The following UTP11 variants were observed in gnomAD, a reference collection of about 807,000 sequenced individuals.
UTP11 encodes the protein UTP11 small subunit processome component.
Under a neutral mutation model 39.0 loss-of-function variants are expected in UTP11, and 29 were observed. The ratio of observed to expected loss-of-function variants is 0.74; its 90% CI spans 0.55 to 1.01. The LOEUF (loss-of-function observed/expected upper bound fraction) is 1.01. Among genes scored for constraint, UTP11 ranks in the 50% least tolerant of loss-of-function variants. The pLI is 0.00. For synonymous variants in UTP11, 111 were observed against 105.0 expected (o/e 1.06, Z -0.35); for missense variants, 281 against 306.0 (o/e 0.92, Z 0.61).
At chr1:38,018,625 C>A in intron 4 of UTP11, 48 bp downstream of exon 4, 1 of 1,371,086 alleles carries the variant, frequency 7.3e-7, no homozygotes, top group Admixed American at 2.1e-5. Flanking sequence ...AGAAGGGAAA[C>A]TTAAATTCAT....
At chr1:38,012,930 T>C in intron 1 of UTP11, 65 bp downstream of exon 1, 1 of 1,599,528 alleles carries the variant, frequency 6.3e-7, no homozygotes, top group Middle Eastern at 1.7e-4. Flanking sequence ...GCCCCAACCC[T>C]GTCGCCACCG....
chr1:38,017,416 T>G (rs1646712303), intron 2 of UTP11: 1 of 335,752 alleles, frequency 3.0e-6, no homozygotes, highest in South Asian at 7.4e-5. Context: ...GAAACATATA[T>G]AGGCTGGGGA....
intron 3 of UTP11, among the ~76,000 whole-genome samples, chr1:38,018,198 G>A (rs749680774): frequency 2.6e-5 from 4 of 152,018 alleles, no homozygotes; most frequent in Admixed American, 6.6e-5. Context: ...AGCCTCTCGA[G>A]TAGCTGAACT....
In UTP11 at chr1:38,024,528, G is replaced by A. The variant is rs375596360; in HGVS notation, c.*900G>A. 6.2e-4 allele frequency: 94 copies of A among 151,160 alleles called. No homozygotes were observed. The highest frequency in any genetic ancestry group is 2.1e-3 in the African/African-American group (86 of 41,210). 9.4% of individuals were successfully genotyped at this position (151,160 alleles called of 1,614,324 possible). ...CGCCATTCTCCTGCCTCAGCCTCCCGAGTAGCTGGGACTACAGGCGCCCGC... is the reference window on the plus strand; with the variant it reads ...CGCCATTCTCCTGCCTCAGCCTCCCAAGTAGCTGGGACTACAGGCGCCCGC... On this transcript the variant is annotated 3_prime_UTR_variant, in exon 8 of 8. Coordinates refer to ENST00000373014, the MANE Select transcript of UTP11 (RefSeq NM_016037.4).
At chr1:38,017,376 G>A (rs933844495) in intron 2 of UTP11, 1 of 233,798 alleles carries the variant, frequency 4.3e-6, no homozygotes, top group Non-Finnish European at 8.2e-6. Context: ...ACTTTGTTTG[G>A]TGTCTCCCTG....
At chr1:38,015,318 G>A (rs543967538) in intron 1 of UTP11, among the ~76,000 whole-genome samples, 3 of 152,258 alleles carry the variant, frequency 2.0e-5, no homozygotes, top group South Asian at 4.1e-4. Flanking sequence ...ACTGCACCCG[G>A]CCTATTATAC....
At chr1:38,016,497 T>C (rs1414206263) in intron 2 of UTP11, 77 bp downstream of exon 2, 8 of 1,459,680 alleles carry the variant, frequency 5.5e-6, no homozygotes, top group Non-Finnish European at 7.7e-6. Context: ...ATTGCCTGAG[T>C]GTCCAACAGG....
At position 38,018,260 on chromosome 1, in the gene UTP11, G is replaced by C. The variant is rs377721756; in HGVS notation, c.229-204G>C. 4.3e-4 allele frequency among the ~76,000 whole-genome samples: 65 copies of C among 152,044 alleles called. No individual in the cohort carries two copies. The East Asian group carries it at 9.7e-3, about 23-fold the overall frequency. On this transcript the variant is annotated intron_variant, in intron 3 of 7. Transcript: ENST00000373014. ...AAGTTTTTGTATTTTTAGTAGAGAC[G>C]GGGTTTCACCATGTTGGTCAGGCTG...
chr1:38,018,305 A>G (rs1646717480), intron 3 of UTP11, among the ~76,000 whole-genome samples, 159 bp from the exon 4 acceptor site: 1 of 152,092 alleles, frequency 6.6e-6, no homozygotes, highest in African/African-American at 2.4e-5. Flanking sequence ...TCCTGACCTC[A>G]AGTGATCTGC....
At chr1:38,022,509 G>C (rs1449211444) in intron 6 of UTP11, among the ~76,000 whole-genome samples, 190 bp from the exon 7 acceptor site, 1 of 152,104 alleles carries the variant, frequency 6.6e-6, no homozygotes, top group Admixed American at 6.5e-5. Flanking sequence ...GTCTGGCCCA[G>C]GGTTCCTTTC....
Position 38,012,744 on chromosome 1 carries a change from G to C in UTP11, c.-59G>C. 1.2e-6 allele frequency: 2 copies of C among 1,609,944 alleles called. No homozygotes were observed. The highest frequency in any genetic ancestry group is 1.7e-6 in the Non-Finnish European group (2 of 1,176,238). On this transcript the variant is annotated 5_prime_UTR_variant, in exon 1 of 8. Coordinates refer to ENST00000373014, the MANE Select transcript of UTP11 (RefSeq NM_016037.4). The stretch of plus-strand genomic sequence containing the variant: ...TTTCCGGTAGGAATCAGTGGACTTG[G>C]CGGCAGAGGCAGTGCGGATCCGGCG...
intron 1 of UTP11, 94 bp from the exon 2 acceptor site, chr1:38,016,265 T>G: frequency 1.5e-6 from 2 of 1,301,234 alleles, no homozygotes; most frequent in Non-Finnish European, 2.2e-6. Flanking sequence ...TACTGAGCAC[T>G]CCAGAGACTC....
intron 7 of UTP11, 129 bp from the exon 8 acceptor site, chr1:38,023,416 G>T: frequency 1.5e-6 from 1 of 687,588 alleles, no homozygotes; most frequent in Non-Finnish European, 2.4e-6. Flanking sequence ...GATGCCTTGG[G>T]CAGTAGGGCT....
At chr1:38,014,847 T>C (rs1039334433) in intron 1 of UTP11, among the ~76,000 whole-genome samples, 1 of 152,118 alleles carries the variant, frequency 6.6e-6, no homozygotes, top group Non-Finnish European at 1.5e-5. Flanking sequence ...TCTCACTGTG[T>C]TGCCCAGGCT....
chr1:38,021,086 T>G (rs1287551490), intron 6 of UTP11, among the ~76,000 whole-genome samples: 3 of 152,150 alleles, frequency 2.0e-5, no homozygotes, highest in African/African-American at 7.2e-5. Flanking sequence ...CACGCCTGGC[T>G]AATTTTTTGT....
intron 7 of UTP11, among the ~76,000 whole-genome samples, chr1:38,023,296 T>A (rs1206144916): frequency 6.6e-6 from 1 of 152,224 alleles, no homozygotes. Flanking sequence ...AAAATTATAA[T>A]TTTAAATGAA....
chr1:38,019,007 T>G, intron 4 of UTP11, 52 bp from the exon 5 acceptor site: 1 of 1,422,776 alleles, frequency 7.0e-7, no homozygotes, highest in Non-Finnish European at 9.5e-7. Context: ...TTTTTTTTTT[T>G]TGGTACCCTA....
intron 7 of UTP11, 71 bp downstream of exon 7, chr1:38,022,880 A>G (rs765180391): frequency 3.2e-4 from 336 of 1,066,414 alleles, no homozygotes; most frequent in Non-Finnish European, 4.5e-4. Context: ...GTCTTAACTC[A>G]GACTAGATTT....
At chr1:38,019,442 T>G in intron 6 of UTP11, 59 bp downstream of exon 6, 138 of 1,343,314 alleles carry the variant, frequency 1.0e-4, no homozygotes, top group Middle Eastern at 4.1e-4. Context: ...GTTTTTTTTT[T>G]GTTTTTTTTT....
Sources: allele counts gnomAD v4.1 joint callset (sites outside exome capture counted in the v4.1 genomes callset), GRCh38; gene constraint gnomAD v4.1.1; transcripts MANE v1.5; gene names NCBI Gene and HGNC (gene_info 2026-07-23, HGNC 2026-07-21).